ANKS3: variants seen among roughly 807,000 people sequenced by gnomAD.
ANKS3 encodes ankyrin repeat and sterile alpha motif domain containing 3, also known as ankyrin repeat and SAM domain-containing protein 3.
ANKS3 carries 62 observed loss-of-function variants against 80.7 expected under a neutral mutation model. The ratio of observed to expected loss-of-function variants is 0.77; its 90% CI spans 0.63 to 0.95. The LOEUF (loss-of-function observed/expected upper bound fraction) is 0.95, where lower values mean the gene tolerates loss of function less well. ANKS3 is among the 40% of genes least tolerant of loss of function. The probability of loss-of-function intolerance (pLI) is 0.00; values close to 1 mark genes in which losing one functional copy is unlikely to be tolerated. For missense variants in ANKS3, 1,150 were observed against 883.6 expected, an observed-to-expected ratio of 1.30 and a Z score of -3.82; for synonymous variants, 489 against 355.3, an observed-to-expected ratio of 1.38 and a Z score of -4.23.
intron 5 of ANKS3, among the ~76,000 whole-genome samples, chr16:4,726,032 G>C (rs1175173784): frequency 6.7e-6 from 1 of 148,720 alleles, no homozygotes; most frequent in East Asian, 2.0e-4. Context: ...CTGGAGTGCA[G>C]TGGTGCAATC....
chr16:4,708,014 C>A (rs2080288300), intron 7 of ANKS3, among the ~76,000 whole-genome samples: 1 of 152,056 alleles, frequency 6.6e-6, no homozygotes, highest in African/African-American at 2.4e-5. Context: ...ACTCGGGAGG[C>A]TGAGGCAGGA....
intron 8 of ANKS3, among the ~76,000 whole-genome samples, chr16:4,704,642 TACA>T (rs2142047382): frequency 6.6e-6 from 1 of 152,296 alleles, no homozygotes; most frequent in East Asian, 1.9e-4. Context: ...AGGGTCTGAG[TACA>T]ACTTCATCGC....
At position 4,733,935 on chromosome 16, in the gene ANKS3, C is replaced by G. The variant is rs2081808486; in HGVS notation, c.-71+3G>C. 3 of 985,434 alleles carry G rather than the reference C, an allele frequency of 3.0e-6. No individual in the cohort carries two copies. Among genetic ancestry groups the G allele is most frequent in the Non-Finnish European group, 2.4e-6 (2 of 830,012 alleles). 61.0% of individuals were successfully genotyped at this position (985,434 alleles called of 1,614,324 possible). Reference sequence around the variant, plus strand: ...GTCCCTGGCCGACAAACCCGTAACTCACAGCAGTGACGCTTCCCGACGCCC... The same window carrying G: ...GTCCCTGGCCGACAAACCCGTAACTGACAGCAGTGACGCTTCCCGACGCCC... On this transcript the variant is annotated splice_donor_region_variant and intron_variant, in intron 1 of 17. Coordinates refer to ENST00000304283, the MANE Select transcript of ANKS3 (RefSeq NM_133450.4).
intron 10 of ANKS3, 64 bp downstream of exon 10, chr16:4,701,369 TG>T (rs755863806): frequency 1.9e-4 from 275 of 1,449,846 alleles, no homozygotes; most frequent in Non-Finnish European, 2.5e-4. Context: ...TTAAAGTAAC[TG>T]GGGGATGTCA....
intron 1 of ANKS3, among the ~76,000 whole-genome samples, chr16:4,732,528 C>T (rs1271423701): frequency 6.6e-6 from 1 of 151,892 alleles, no homozygotes; most frequent in African/African-American, 2.4e-5. Context: ...ACTAAAATTA[C>T]AAAAATTAGC....
At position 4,698,872 on chromosome 16, in the gene ANKS3, C is replaced by T. The variant is rs2079740032; in HGVS notation, c.1479G>A (p.Gly493=). The part of the protein sequence containing the change: ...ARWHSSARPP[G]DALELAYADR... Reference sequence around the variant, plus strand: ...CGGCGTAGGCCAGCTCCAGGGCATCCCCGGGTGGGCGGGCACTGCTGTGCC... The same window carrying T: ...CGGCGTAGGCCAGCTCCAGGGCATCTCCGGGTGGGCGGGCACTGCTGTGCC... Residue 493 remains glycine (G), a synonymous_variant, in exon 13 of 18, where the codon GGG becomes GGA. Coordinates refer to ENST00000304283, the MANE Select transcript of ANKS3 (RefSeq NM_133450.4). 1 of 1,601,654 alleles carries T rather than the reference C, an allele frequency of 6.2e-7. No individual in the cohort carries two copies. The highest frequency in any genetic ancestry group is 1.1e-5 in the South Asian group (1 of 89,008).
intron 15 of ANKS3, 117 bp downstream of exon 15, chr16:4,697,860 G>T: frequency 1.0e-6 from 1 of 981,600 alleles, no homozygotes; most frequent in Non-Finnish European, 1.5e-6. Flanking sequence ...TGCACACAGG[G>T]ACCTGGGAGA....
rs942091795 is a variant in ANKS3 at position 4,696,602 on chromosome 16, C to T, written c.*306G>A. 5 of 206,028 alleles carry T rather than the reference C, an allele frequency of 2.4e-5. No homozygotes were observed. Among genetic ancestry groups the T allele is most frequent in the South Asian group, 1.8e-4 (2 of 10,884 alleles). The allele number at this position is 206,028 out of a possible 1,614,324, so 12.8% of individuals were successfully genotyped here. A position where few individuals can be genotyped will look rare whatever the true frequency, so the allele number is the denominator to read the frequency against. ...GGTCCCACCTCAGTTGGCACCTGTGCGTGTATATGGATACACTTTCCCCCC... is the reference window on the plus strand; with the variant it reads ...GGTCCCACCTCAGTTGGCACCTGTGTGTGTATATGGATACACTTTCCCCCC... On this transcript the variant is annotated 3_prime_UTR_variant, in exon 18 of 18. Transcript: ENST00000304283.
intron 13 of ANKS3, 54 bp from the exon 14 acceptor site, chr16:4,698,653 C>T: frequency 6.5e-7 from 1 of 1,531,348 alleles, no homozygotes; most frequent in East Asian, 2.3e-5. Context: ...TCAAGCCAGA[C>T]CCTTGGCCAC....
rs998815192 is a variant in ANKS3, at chr16:4,721,351, G to C, written c.573+3399C>G. 3.3e-4 allele frequency among the ~76,000 whole-genome samples: 50 copies of C among 150,330 alleles called. 1 individual carries two copies. The highest frequency in any genetic ancestry group is 1.2e-3 in the African/African-American group (48 of 41,122). ...GGGCTGGGTGCGTTGGCTCGTGCCT[G>C]TAATCCCAGCACTTTGGGAGACCGA... On this transcript the variant is annotated intron_variant, in intron 6 of 17. Transcript: ENST00000304283.
chr16:4,703,957 C>T (rs2080053610), intron 8 of ANKS3, among the ~76,000 whole-genome samples: 1 of 152,234 alleles, frequency 6.6e-6, no homozygotes, highest in South Asian at 2.1e-4. Flanking sequence ...AGCTTCCTTC[C>T]TGTCCCCACC....
At chr16:4,708,876 T>C (rs1228184001) in intron 7 of ANKS3, among the ~76,000 whole-genome samples, 1 of 150,824 alleles carries the variant, frequency 6.6e-6, no homozygotes, top group Non-Finnish European at 1.5e-5. Context: ...GAGGCGGGGG[T>C]TGCAGTGAGC....
chr16:4,699,483 T>G (rs566466319), intron 11 of ANKS3: 1 of 383,852 alleles, frequency 2.6e-6, no homozygotes, highest in East Asian at 5.1e-5. Context: ...CGACAATGCT[T>G]TGTAGGCGGA....
At chr16:4,698,224 G>C in intron 14 of ANKS3, 162 bp from the exon 15 acceptor site, 1 of 1,113,078 alleles carries the variant, frequency 9.0e-7, no homozygotes, top group Non-Finnish European at 1.2e-6. Flanking sequence ...GAGCAGGAGG[G>C]CGACCGGTGC....
intron 3 of ANKS3, 71 bp downstream of exon 3, chr16:4,729,889 TCCACAACTGTGTGCAAAGCC>T: frequency 1.6e-6 from 2 of 1,264,022 alleles, no homozygotes; most frequent in Non-Finnish European, 2.1e-6. Context: ...GCATTAAACA[TCCACAACTGTGTGCAAAGCC>T]CCATCACGTG....
rs2080657732 is a variant in ANKS3, at chr16:4,714,293, C to G, written c.574-107G>C. ...AGGGCATATGCTGGTTTCTGACTGC[C>G]TCCCTGTGTGGGAAACATCACATCT... On this transcript the variant is annotated intron_variant, in intron 6 of 17. Coordinates refer to ENST00000304283, the MANE Select transcript of ANKS3 (RefSeq NM_133450.4). The G allele has an allele frequency of 6.8e-6, 10 of 1,478,688 alleles. No homozygotes were observed. In the South Asian group the frequency reaches 1.3e-4, roughly 19 times the overall value. The allele number at this position is 1,478,688 out of a possible 1,614,324, so 91.6% of individuals were successfully genotyped here.
intron 11 of ANKS3, chr16:4,700,762 C>A: frequency 1.3e-6 from 1 of 778,810 alleles, no homozygotes; most frequent in Non-Finnish European, 2.3e-6. Context: ...AGGTCCTTTC[C>A]GTGGAGAGGA....
intron 7 of ANKS3, among the ~76,000 whole-genome samples, chr16:4,708,840 G>A (rs1033258852): frequency 6.6e-6 from 1 of 152,040 alleles, no homozygotes; most frequent in Non-Finnish European, 1.5e-5. Flanking sequence ...TCAAAAGGCT[G>A]AGGCAGGAGA....
intron 7 of ANKS3, among the ~76,000 whole-genome samples, chr16:4,710,582 A>G (rs1314037694): frequency 2.0e-5 from 3 of 151,918 alleles, no homozygotes; most frequent in Non-Finnish European, 4.4e-5. Context: ...GGTAGGGTGC[A>G]CCTACAGTCC....
Sources: gnomAD v4.1 joint callset for allele counts (sites outside exome capture counted in the v4.1 genomes callset) on GRCh38, gnomAD v4.1.1 for gene constraint, MANE v1.5 for transcripts, NCBI Gene and HGNC (gene_info 2026-07-23, HGNC 2026-07-21) for gene names.